The following FSTL4 variants were observed in gnomAD, a reference collection of about 807,000 sequenced individuals.
The protein encoded by FSTL4 is follistatin like 4.
FSTL4 carries 28 observed loss-of-function variants against 78.2 expected under a neutral mutation model. The observed-to-expected ratio is 0.36, with a 90% CI of 0.27 to 0.49. The LOEUF (loss-of-function observed/expected upper bound fraction) is 0.49, where lower values mean the gene tolerates loss of function less well. Among genes scored for constraint, FSTL4 ranks in the 20% least tolerant of loss-of-function variants. FSTL4 has a pLI of 0.98. For missense variants in FSTL4, 922 were observed against 1,084.9 expected (o/e 0.85, Z 2.11); for synonymous variants, 422 against 440.5 (o/e 0.96, Z 0.53).
the FSTL4 span, among the ~76,000 whole-genome samples, chr5:133,711,733 C>T: frequency 1.3e-5 from 2 of 152,182 alleles, no homozygotes; most frequent in Admixed American, 6.5e-5. Flanking sequence ...AAACCATGAT[C>T]GCTGCCCCCT....
chr5:133,538,761 C>T (rs1759406122), intron 3 of FSTL4, among the ~76,000 whole-genome samples: 1 of 152,048 alleles, frequency 6.6e-6, no homozygotes, highest in Admixed American at 6.6e-5. Context: ...TGACACAACA[C>T]TTATTTTATT....
the FSTL4 span, among the ~76,000 whole-genome samples, chr5:133,664,481 A>T: frequency 6.6e-6 from 1 of 152,302 alleles, no homozygotes; most frequent in South Asian, 2.1e-4. Flanking sequence ...GCACGAGGTG[A>T]GTCAGAAGCA....
intron 3 of FSTL4, among the ~76,000 whole-genome samples, chr5:133,448,988 C>T (rs1292861265): frequency 6.6e-6 from 1 of 152,086 alleles, no homozygotes; most frequent in Admixed American, 6.6e-5. Context: ...TCCCAGATAA[C>T]ATTTCCATTT....
At chr5:133,787,960 T>C in the FSTL4 span, among the ~76,000 whole-genome samples, 4 of 152,356 alleles carry the variant, frequency 2.6e-5, no homozygotes, top group South Asian at 2.1e-4. Flanking sequence ...TGGAACTTAG[T>C]TGGTGCTCGG....
chr5:133,576,621 T>C (rs767913164), intron 2 of FSTL4, among the ~76,000 whole-genome samples: 17 of 152,138 alleles, frequency 1.1e-4, no homozygotes, highest in Non-Finnish European at 2.1e-4. Flanking sequence ...GTCCTGAAGA[T>C]GGGCCCCTGA....
At chr5:133,804,734 G>C in the FSTL4 span, among the ~76,000 whole-genome samples, 1,758 of 151,954 alleles carry the variant, frequency 0.012, 18 homozygotes, top group Non-Finnish European at 0.016. Context: ...CATGAGGTCA[G>C]GAGATCGAGA....
chr5:133,512,566 C>G (rs890809017), intron 3 of FSTL4, among the ~76,000 whole-genome samples: 1 of 152,184 alleles, frequency 6.6e-6, no homozygotes, highest in African/African-American at 2.4e-5. Flanking sequence ...TTCAATTATA[C>G]TGCTACATAT....
intron 4 of FSTL4, among the ~76,000 whole-genome samples, chr5:133,358,949 C>A (rs1179432815): frequency 6.6e-6 from 1 of 152,182 alleles, no homozygotes; most frequent in Non-Finnish European, 1.5e-5. Flanking sequence ...GGAAATAAGT[C>A]TCCGATGATC....
the FSTL4 span, among the ~76,000 whole-genome samples, chr5:133,675,382 A>T: frequency 1.3e-5 from 2 of 152,246 alleles, no homozygotes; most frequent in African/African-American, 4.8e-5. Flanking sequence ...GAAGCCAAAG[A>T]TTTTTAAACC....
intron 6 of FSTL4, among the ~76,000 whole-genome samples, chr5:133,290,869 G>T (rs1459573703): frequency 6.6e-6 from 1 of 152,226 alleles, no homozygotes; most frequent in South Asian, 2.1e-4. Flanking sequence ...ACCCCCTGTG[G>T]GACCCCACTG....
At chr5:133,603,721 C>A in intron 2 of FSTL4, 137 bp downstream of exon 2, 1 of 995,378 alleles carries the variant, frequency 1.0e-6, no homozygotes, top group Non-Finnish European at 1.5e-6. Context: ...TTCTTCTGTC[C>A]CCACCAAAAA....
the FSTL4 span, among the ~76,000 whole-genome samples, chr5:133,690,401 C>T: frequency 2.6e-5 from 4 of 152,118 alleles, no homozygotes; most frequent in African/African-American, 7.2e-5. Context: ...AAGCAAAATG[C>T]CACTTTCCTT....
In FSTL4 at chr5:133,513,561, T is replaced by C. The variant is rs187857072; in HGVS notation, c.160+53625A>G. 9.8e-5 allele frequency among the ~76,000 whole-genome samples: 15 copies of C among 152,346 alleles called. No individual in the cohort carries two copies. The South Asian group carries it at 2.3e-3, about 23-fold the overall frequency. ...ATGAAGTGGATTCTTCCTATAGAAT[T>C]CTTCCAATTCCAATTCTATGGAATT... On this transcript the variant is annotated intron_variant, in intron 3 of 15. Coordinates refer to ENST00000265342, the MANE Select transcript of FSTL4 (RefSeq NM_015082.2).
At chr5:133,788,418 A>C in the FSTL4 span, among the ~76,000 whole-genome samples, 2 of 152,360 alleles carry the variant, frequency 1.3e-5, no homozygotes, top group African/African-American at 2.4e-5. Flanking sequence ...TGAGGCTCAC[A>C]CGAGGCCTAA....
At chr5:133,318,466 G>T (rs1753962347) in intron 4 of FSTL4, among the ~76,000 whole-genome samples, 1 of 152,174 alleles carries the variant, frequency 6.6e-6, no homozygotes, top group Non-Finnish European at 1.5e-5. Flanking sequence ...CTGAAATTTT[G>T]TCCTGGCAAA....
chr5:133,802,772 A>G, the FSTL4 span, among the ~76,000 whole-genome samples: 3 of 152,340 alleles, frequency 2.0e-5, no homozygotes, highest in Admixed American at 2.0e-4. Flanking sequence ...TGGGACTACC[A>G]GTCACTGTTT....
the FSTL4 span, among the ~76,000 whole-genome samples, chr5:133,751,634 G>A: frequency 6.6e-6 from 1 of 152,196 alleles, no homozygotes; most frequent in South Asian, 2.1e-4. Context: ...GCAGCAAGAG[G>A]CGCAAATTCC....
intron 6 of FSTL4, among the ~76,000 whole-genome samples, chr5:133,266,112 G>A: frequency 6.6e-6 from 1 of 152,214 alleles, no homozygotes; most frequent in East Asian, 1.9e-4. Context: ...GCCTGAGCCT[G>A]AGCACTCCCA....
chr5:133,318,746 G>T (rs185187489), intron 4 of FSTL4, among the ~76,000 whole-genome samples: 146 of 152,390 alleles, frequency 9.6e-4, no homozygotes, highest in African/African-American at 3.4e-3. Context: ...ACCTGAAGGT[G>T]AGGACAGGCT....
Sources: allele counts gnomAD v4.1 joint callset (sites outside exome capture counted in the v4.1 genomes callset), GRCh38; gene constraint gnomAD v4.1.1; transcripts MANE v1.5; gene names NCBI Gene and HGNC (gene_info 2026-07-23, HGNC 2026-07-21).